TMEM232: variants seen among roughly 807,000 people sequenced by gnomAD.
The protein encoded by TMEM232 is transmembrane protein 232.
Under a neutral mutation model 78.8 loss-of-function variants are expected in TMEM232, and 80 were observed. The ratio of observed to expected loss-of-function variants is 1.01; its 90% CI spans 0.85 to 1.22. The LOEUF (loss-of-function observed/expected upper bound fraction) is 1.22, where lower values mean the gene tolerates loss of function less well. Ranked by LOEUF, TMEM232 falls within the 50% of genes most tolerant of loss-of-function variation. The pLI is 0.00. For synonymous variants in TMEM232, 297 were observed against 254.3 expected (o/e 1.17, Z -1.60); for missense variants, 881 against 742.2 (o/e 1.19, Z -2.17).
chr5:110,559,688 G>C (rs910087617), intron 11 of TMEM232, among the ~76,000 whole-genome samples: 4 of 152,108 alleles, frequency 2.6e-5, no homozygotes, highest in Non-Finnish European at 4.4e-5. Context: ...TATTGGTAAG[G>C]ATTATGTATT....
At chr5:110,515,105 T>C (rs1173080615) in intron 12 of TMEM232, among the ~76,000 whole-genome samples, 2 of 152,206 alleles carry the variant, frequency 1.3e-5, no homozygotes, top group East Asian at 3.8e-4. Flanking sequence ...TGCAAATCCT[T>C]GGACTAATTA....
intron 2 of TMEM232, among the ~76,000 whole-genome samples, chr5:110,657,934 G>C (rs141638428): frequency 1.3e-5 from 2 of 152,182 alleles, no homozygotes; most frequent in African/African-American, 4.8e-5. Context: ...AAATGAAATT[G>C]AGATAGAAAT....
intron 12 of TMEM232, among the ~76,000 whole-genome samples, chr5:110,453,822 A>T (rs566115658): frequency 3.6e-4 from 54 of 151,168 alleles, no homozygotes; most frequent in African/African-American, 1.3e-3. Flanking sequence ...TTTTAATTCC[A>T]GGAGCAAAAA....
chr5:110,712,328 A>G (rs1796572965), intron 1 of TMEM232, among the ~76,000 whole-genome samples: 1 of 152,068 alleles, frequency 6.6e-6, no homozygotes, highest in Admixed American at 6.5e-5. Context: ...AAGAGAAAAT[A>G]GTTGCCAACT....
At chr5:110,630,588 AT>A (rs1187321988) in intron 5 of TMEM232, among the ~76,000 whole-genome samples, 3 of 152,062 alleles carry the variant, frequency 2.0e-5, no homozygotes, top group Admixed American at 2.0e-4. Flanking sequence ...CTTCTCTAAC[AT>A]GTGAAGATAT....
chr5:110,644,669 T>C (rs1255635964), intron 2 of TMEM232, among the ~76,000 whole-genome samples: 2 of 150,936 alleles, frequency 1.3e-5, no homozygotes, highest in African/African-American at 4.9e-5. Flanking sequence ...TGAAGAAATA[T>C]CTGGAAAAAA....
chr5:110,421,751 T>C (rs1252375633), intron 13 of TMEM232, among the ~76,000 whole-genome samples: 4 of 152,170 alleles, frequency 2.6e-5, no homozygotes, highest in African/African-American at 4.8e-5. Flanking sequence ...TCAGAGTCCA[T>C]AGCATGTCAC....
At chr5:110,598,863 G>A (rs1170266633) in intron 10 of TMEM232, among the ~76,000 whole-genome samples, 2 of 116,772 alleles carry the variant, frequency 1.7e-5, no homozygotes, top group African/African-American at 6.7e-5. Context: ...GACTGTTGTG[G>A]GGTGGGGGGA....
chr5:110,643,465 A>G (rs1176060081), intron 2 of TMEM232, among the ~76,000 whole-genome samples: 1 of 152,068 alleles, frequency 6.6e-6, no homozygotes, highest in Admixed American at 6.6e-5. Context: ...AAAGAAAAGT[A>G]GGACAAATAA....
chr5:110,462,204 A>C (rs868155112), intron 12 of TMEM232, among the ~76,000 whole-genome samples: 6 of 152,210 alleles, frequency 3.9e-5, no homozygotes, highest in African/African-American at 1.4e-4. Flanking sequence ...GGAGGTCAAA[A>C]CATCAACATC....
chr5:110,610,103 G>C (rs1782000821), intron 8 of TMEM232, among the ~76,000 whole-genome samples: 1 of 151,282 alleles, frequency 6.6e-6, no homozygotes, highest in African/African-American at 2.4e-5. Flanking sequence ...CATAGTTGAG[G>C]AAGTTAACTA....
At chr5:110,549,046 T>C (rs1378193560) in intron 11 of TMEM232, among the ~76,000 whole-genome samples, 4 of 151,942 alleles carry the variant, frequency 2.6e-5, no homozygotes, top group Admixed American at 2.6e-4. Context: ...TAACAGAAAT[T>C]AGAAAAGTTT....
chr5:110,533,909 G>T (rs59293008), intron 11 of TMEM232, among the ~76,000 whole-genome samples: 22,531 of 152,052 alleles, frequency 0.15, 4,303 homozygotes, highest in African/African-American at 0.45. Flanking sequence ...GAACCTCTCA[G>T]TTCCTTTCCA....
At chr5:110,714,358 G>C (rs1291525843) in intron 1 of TMEM232, among the ~76,000 whole-genome samples, 1 of 152,082 alleles carries the variant, frequency 6.6e-6, no homozygotes, top group East Asian at 1.9e-4. Context: ...TTTGTATAAA[G>C]TCTCTGAACA....
intron 6 of TMEM232, 57 bp from the exon 7 acceptor site, chr5:110,625,490 T>G: frequency 7.2e-7 from 1 of 1,396,350 alleles, no homozygotes. Flanking sequence ...GCACTGTGTT[T>G]CATTTGTCTT....
intron 2 of TMEM232, 126 bp downstream of exon 2, chr5:110,667,098 TAAAC>T: frequency 2.7e-6 from 2 of 728,356 alleles, no homozygotes; most frequent in Non-Finnish European, 4.3e-6. Context: ...ACAAGGCTAT[TAAAC>T]AAATAGTAAA....
chr5:110,502,660 C>G (rs374361116), intron 12 of TMEM232, among the ~76,000 whole-genome samples: 1 of 152,130 alleles, frequency 6.6e-6, no homozygotes, highest in Non-Finnish European at 1.5e-5. Context: ...CTTCAATATG[C>G]GAACCTCACC....
At chr5:110,642,542 C>A (rs750982581) in intron 2 of TMEM232, among the ~76,000 whole-genome samples, 171 bp from the exon 3 acceptor site, 1 of 152,136 alleles carries the variant, frequency 6.6e-6, no homozygotes, top group Non-Finnish European at 1.5e-5. Context: ...GCCTCCTGGA[C>A]TGATCCTGTC....
At chr5:110,704,692 C>G (rs570930642) in intron 1 of TMEM232, among the ~76,000 whole-genome samples, 1 of 152,022 alleles carries the variant, frequency 6.6e-6, no homozygotes, top group Admixed American at 6.6e-5. Context: ...TAGCCCAGTG[C>G]TCCTACAGCA....
Sources: allele counts gnomAD v4.1 joint callset (sites outside exome capture counted in the v4.1 genomes callset), GRCh38; gene constraint gnomAD v4.1.1; transcripts MANE v1.5; gene names NCBI Gene and HGNC (gene_info 2026-07-23, HGNC 2026-07-21).